The following JPH3 variants were observed in gnomAD, a reference collection of about 807,000 sequenced individuals.
JPH3 encodes the protein junctophilin-3.
A neutral mutation model predicts 59.6 loss-of-function variants in JPH3; 11 were observed. The ratio of observed to expected loss-of-function variants is 0.18; its 90% confidence interval spans 0.12 to 0.31. The LOEUF is 0.31. Ranked by LOEUF, JPH3 falls within the 10% of genes least tolerant of loss-of-function variation. The pLI is 1.00. For synonymous variants in JPH3, 673 were observed against 483.6 expected (o/e 1.39, Z -5.14); for missense variants, 1,202 against 1,105.7 (o/e 1.09, Z -1.24).
chr16:87,644,841 C>G lies in JPH3; in HGVS notation c.966C>G (p.Gly322=), dbSNP rs2032088052. 3.1e-6 allele frequency: 5 copies of G among 1,613,522 alleles called. No individual in the cohort carries two copies. The highest frequency in any genetic ancestry group is 1.6e-4 in the Middle Eastern group (1 of 6,062). The change falls in exon 2 of 5, where the codon GGC becomes GGG. Residue 322 remains glycine, a synonymous_variant. Coordinates refer to ENST00000284262, the MANE Select transcript of JPH3 (RefSeq NM_020655.4). ...EGEWASNRRH[G]YGCMTFPDGT... ...AGTGGGCCAGCAACCGGCGCCATGG[C>G]TACGGCTGCATGACCTTCCCGGACG...
chr16:87,606,750 G>A (rs1597231117), intron 1 of JPH3, among the ~76,000 whole-genome samples: 1 of 152,262 alleles, frequency 6.6e-6, no homozygotes, highest in East Asian at 1.9e-4. Flanking sequence ...ACAGTTTCCA[G>A]GCAATGCATG....
In JPH3 at chr16:87,615,187, C is replaced by A. The variant is rs545801862; in HGVS notation, c.382+11659C>A. Among the ~76,000 whole-genome samples, 338 of 152,378 alleles carry A rather than the reference C, an allele frequency of 2.2e-3. 1 individual carries two copies. Among genetic ancestry groups the A allele is most frequent in the Non-Finnish European group, 4.0e-3 (270 of 68,038 alleles). ...CCATCCACAGATCCCCAGATAAGAA[C>A]CTGTCCATCCTCCCCGGGGCCTAAG... On this transcript the variant is annotated intron_variant, in intron 1 of 4. Coordinates refer to ENST00000284262, the MANE Select transcript of JPH3 (RefSeq NM_020655.4).
chr16:87,666,727 C>G (rs971545092), intron 2 of JPH3, among the ~76,000 whole-genome samples: 10 of 152,188 alleles, frequency 6.6e-5, no homozygotes, highest in African/African-American at 2.4e-4. Context: ...AGCCACGGTG[C>G]ATGGCCACCT....
intron 2 of JPH3, 133 bp downstream of exon 2, chr16:87,645,168 C>G (rs995708313): frequency 8.6e-6 from 8 of 932,150 alleles, no homozygotes; most frequent in Non-Finnish European, 1.1e-5. Context: ...GTTTCTCAAA[C>G]TATGCCCCCA....
chr16:87,694,773 CCAT>C (rs1416843630), intron 4 of JPH3: 5 of 177,190 alleles, frequency 2.8e-5, no homozygotes, highest in Non-Finnish European at 6.0e-5. Context: ...TAGATCAGCT[CCAT>C]CACCTTAAAC....
rs1391002612 is a variant in JPH3, at chr16:87,638,460, A to G, written c.383-5798A>G. 7.9e-5 allele frequency among the ~76,000 whole-genome samples: 12 copies of G among 151,706 alleles called. No individual in the cohort carries two copies. The South Asian group carries it at 1.0e-3, about 13-fold the overall frequency. On this transcript the variant is annotated intron_variant, in intron 1 of 4. Transcript: ENST00000284262. ...CTGGGGAGACACAGGAGCGACCACC[A>G]TGATCCACAGACCAGGACTGTACAG...
intron 3 of JPH3, among the ~76,000 whole-genome samples, chr16:87,686,836 G>C (rs1242514715): frequency 6.6e-6 from 1 of 152,214 alleles, no homozygotes; most frequent in Non-Finnish European, 1.5e-5. Context: ...GCGGGCCCCT[G>C]TGGGGGCCGC....
At chr16:87,680,971 G>A (rs113123658) in intron 2 of JPH3, among the ~76,000 whole-genome samples, 2 of 152,088 alleles carry the variant, frequency 1.3e-5, no homozygotes, top group African/African-American at 4.8e-5. Context: ...CCCTCGTGCT[G>A]TGTGTGGTGG....
At chr16:87,655,628 C>G (rs940181156) in intron 2 of JPH3, among the ~76,000 whole-genome samples, 8 of 152,250 alleles carry the variant, frequency 5.3e-5, no homozygotes, top group African/African-American at 1.7e-4. Context: ...GCTGGGATTA[C>G]AGGCGTGAGC....
At chr16:87,672,457 T>C (rs2033042361) in intron 2 of JPH3, among the ~76,000 whole-genome samples, 2 of 152,282 alleles carry the variant, frequency 1.3e-5, no homozygotes, top group Non-Finnish European at 2.9e-5. Context: ...AGGGTGGGCA[T>C]GATGGGCAGC....
rs1251721493 is a variant in JPH3, at chr16:87,696,444, C to T, written c.2167-136C>T. ...TTCTGGTGGGCCTTTGGTGTCCAAG[C>T]GTTTCTAACATCCTCCCGTACGCTT... On this transcript the variant is annotated intron_variant, in intron 4 of 4. Transcript: ENST00000284262. 14 of 713,518 alleles carry T rather than the reference C, an allele frequency of 2.0e-5. No homozygotes were observed. The Admixed American group carries it at 2.0e-4, about 10-fold the overall frequency. The allele number at this position is 713,518 out of a possible 1,614,324, so 44.2% of individuals were successfully genotyped here.
chr16:87,636,065 G>C (rs896353221), intron 1 of JPH3, among the ~76,000 whole-genome samples: 1 of 152,240 alleles, frequency 6.6e-6, no homozygotes, highest in Non-Finnish European at 1.5e-5. Flanking sequence ...GGCAGCTTGC[G>C]GGGCAGCTTT....
chr16:87,651,939 G>A (rs1450240559), intron 2 of JPH3, among the ~76,000 whole-genome samples: 6 of 152,092 alleles, frequency 3.9e-5, no homozygotes, highest in Non-Finnish European at 8.8e-5. Flanking sequence ...TTTGTGAAAG[G>A]AAGAGTTCAT....
chr16:87,681,778 C>T (rs1478977025), intron 2 of JPH3, among the ~76,000 whole-genome samples: 1 of 152,106 alleles, frequency 6.6e-6, no homozygotes, highest in African/African-American at 2.4e-5. Flanking sequence ...TCCTATTTTC[C>T]TTGGCTTCCG....
At chr16:87,673,220 C>T (rs957759304) in intron 2 of JPH3, among the ~76,000 whole-genome samples, 1 of 150,792 alleles carries the variant, frequency 6.6e-6, no homozygotes, top group Non-Finnish European at 1.5e-5. Context: ...TTCTACAAAT[C>T]GACAAGAAAA....
chr16:87,692,156 A>G (rs1198632723), intron 4 of JPH3, among the ~76,000 whole-genome samples: 2 of 149,810 alleles, frequency 1.3e-5, no homozygotes, highest in Non-Finnish European at 3.0e-5. Flanking sequence ...GCTCCTTGGA[A>G]GTGGCCACCC....
intron 1 of JPH3, among the ~76,000 whole-genome samples, chr16:87,609,502 G>A (rs898163810): frequency 3.3e-5 from 5 of 152,208 alleles, no homozygotes; most frequent in African/African-American, 1.2e-4. Context: ...GAACTCAGGC[G>A]ATCTGCGTGC....
In JPH3 at chr16:87,642,285, G is replaced by T. The variant is rs80310687; in HGVS notation, c.383-1973G>T. Among the ~76,000 whole-genome samples, 829 of 152,094 alleles carry T rather than the reference G, an allele frequency of 5.5e-3. 10 individuals carry two copies. The highest frequency in any genetic ancestry group is 0.019 in the African/African-American group (777 of 41,488). The stretch of plus-strand genomic sequence containing the variant: ...GGGGAGTGGAGGGCTGCTTCGCTCC[G>T]AGAGATGGCGGCACCTGCCACCCGC... On this transcript the variant is annotated intron_variant, in intron 1 of 4. Coordinates refer to ENST00000284262, the MANE Select transcript of JPH3 (RefSeq NM_020655.4).
chr16:87,690,966 A>C (rs2033554753), intron 4 of JPH3, among the ~76,000 whole-genome samples: 1 of 152,082 alleles, frequency 6.6e-6, no homozygotes, highest in Admixed American at 6.5e-5. Flanking sequence ...GCTGGGAGTC[A>C]GGTCTGGGGT....
Sources: gnomAD v4.1 joint callset for allele counts (sites outside exome capture counted in the v4.1 genomes callset) on GRCh38, gnomAD v4.1.1 for gene constraint, MANE v1.5 for transcripts, NCBI Gene and HGNC (gene_info 2026-07-23, HGNC 2026-07-21) for gene names.